Variants in SMC1B observed in about 807,000 individuals in gnomAD.
The protein encoded by SMC1B is structural maintenance of chromosomes 1B.
Under a neutral mutation model 157.9 loss-of-function variants are expected in SMC1B, and 60 were observed. That is an observed-to-expected ratio of 0.38 (90% CI 0.31 to 0.47). The LOEUF is 0.47. Among genes scored for constraint, SMC1B ranks in the 20% least tolerant of loss-of-function variants. The probability of loss-of-function intolerance (pLI) is 0.99; values close to 1 mark genes in which losing one functional copy is unlikely to be tolerated. For synonymous variants in SMC1B, 445 were observed against 483.0 expected, an observed-to-expected ratio of 0.92 and a Z score of 1.03; for missense variants, 1,165 against 1,426.2, an observed-to-expected ratio of 0.82 and a Z score of 2.95.
chr22:45,402,981 G>C (rs1047245749), intron 4 of SMC1B, among the ~76,000 whole-genome samples: 1 of 152,144 alleles, frequency 6.6e-6, no homozygotes. Flanking sequence ...CCTACTACAG[G>C]AAGTAGTTTT....
intron 19 of SMC1B, 101 bp downstream of exon 19, chr22:45,358,596 T>TAA: frequency 2.9e-6 from 2 of 699,276 alleles, no homozygotes; most frequent in South Asian, 2.1e-5. Context: ...GGAAATCTTT[T>TAA]AAAAAAAAAC....
chr22:45,357,170 A>G (rs564576307), intron 19 of SMC1B, among the ~76,000 whole-genome samples: 8 of 152,354 alleles, frequency 5.3e-5, no homozygotes, highest in African/African-American at 1.9e-4. Flanking sequence ...TCCTTTCACT[A>G]GCACCACTAC....
intron 10 of SMC1B, 38 bp from the exon 11 acceptor site, chr22:45,387,084 T>C (rs778040022): frequency 1.3e-6 from 2 of 1,505,814 alleles, no homozygotes; most frequent in Admixed American, 3.7e-5. Flanking sequence ...TTACATACAC[T>C]GAAATAAAAA....
chr22:45,403,992 AGTGCAGTG>A (rs1036950420), intron 4 of SMC1B, among the ~76,000 whole-genome samples: 1 of 152,160 alleles, frequency 6.6e-6, no homozygotes, highest in African/African-American at 2.4e-5. Flanking sequence ...CCCAGGCTAA[AGTGCAGTG>A]GTGCAATCTC....
chr22:45,379,202 G>A (rs1053302600), intron 12 of SMC1B, among the ~76,000 whole-genome samples: 4 of 152,042 alleles, frequency 2.6e-5, no homozygotes, highest in African/African-American at 7.3e-5. Flanking sequence ...GGCTGGTCTC[G>A]ATCCCTTGAA....
At chr22:45,395,890 T>C (rs905797035) in intron 7 of SMC1B, among the ~76,000 whole-genome samples, 2 of 151,960 alleles carry the variant, frequency 1.3e-5, no homozygotes, top group Admixed American at 1.3e-4. Flanking sequence ...GAGGAAGAAA[T>C]TATTTTTGGC....
chr22:45,386,718 C>G lies in SMC1B; in HGVS notation c.1911+149G>C, dbSNP rs558686215. On this transcript the variant is annotated intron_variant, in intron 11 of 24. Coordinates refer to ENST00000357450, the MANE Select transcript of SMC1B (RefSeq NM_148674.5). Reference sequence around the variant, plus strand: ...CAGAACATTATAAAAACCACTGAAGCCATAACCACCTTAGGTTCTATGTTG... The same window carrying G: ...CAGAACATTATAAAAACCACTGAAGGCATAACCACCTTAGGTTCTATGTTG... 1.6e-5 allele frequency: 9 copies of G among 555,036 alleles called. No homozygotes were observed. The South Asian group carries it at 4.9e-4, about 30-fold the overall frequency. 34.4% of individuals were successfully genotyped at this position (555,036 alleles called of 1,614,324 possible). A position where few individuals can be genotyped will look rare whatever the true frequency, so the allele number is the denominator to read the frequency against.
Position 45,396,411 on chromosome 22 carries a change from G to C in SMC1B, c.1189C>G (p.Gln397Glu), listed in dbSNP as rs149617002. The change falls in exon 7 of 25, where the codon CAG (glutamine) becomes GAG (glutamate). Residue 397 changes from glutamine to glutamate, a missense_variant. Physicochemically the swap from Gln to Glu is conservative, Grantham distance 29 (BLOSUM62 2). Coordinates refer to ENST00000357450, the MANE Select transcript of SMC1B (RefSeq NM_148674.5). ...TCTTCATCTGTCTTCTGTTCCCACT[G>C]CAGTTTTTCCAGTTGTTGAGTCATT... ...ATMTQQLEKL[Q>E]WEQKTDEERL... 930 of 1,611,944 alleles carry C rather than the reference G, an allele frequency of 5.8e-4. 5 individuals are homozygous for C. The African/African-American group carries it at 0.011, about 20-fold the overall frequency.
In SMC1B at chr22:45,408,908, A is replaced by G. The variant is rs540375436; in HGVS notation, c.110-10T>C. The G allele has an allele frequency of 8.1e-5, 118 of 1,449,162 alleles. No homozygotes were observed. In the Middle Eastern group the frequency reaches 1.1e-3, roughly 14 times the overall value. 89.8% of individuals were successfully genotyped at this position (1,449,162 alleles called of 1,614,324 possible). A position where few individuals can be genotyped will look rare whatever the true frequency, so the allele number is the denominator to read the frequency against. On this transcript the variant is annotated splice_polypyrimidine_tract_variant and intron_variant, in intron 1 of 24. Transcript: ENST00000357450. ...ATTACATTAGATTTTCCTGGGGAAG[A>G]AAAGAGATAAAACATTATTCATTCT...
Position 45,394,751 on chromosome 22 carries a change from A to T in SMC1B, c.1271T>A (p.Ile424Lys). Residue 424 changes from isoleucine to lysine, a missense_variant, in exon 8 of 25, where the codon ATA becomes AAA. Transcript: ENST00000357450. ...TTTATGATCTTCTATTTGTTCTTTT[A>T]TTTGTTTTAGATTTCCCTAAAAGAG... Reference protein sequence around the residue: ...HGEVQGNLKQIKEQIEDHKKR... With the variant: ...HGEVQGNLKQKKEQIEDHKKR... 6.5e-7 allele frequency: 1 copy of T among 1,545,900 alleles called. No homozygotes were observed. Among genetic ancestry groups the T allele is most frequent in the Non-Finnish European group, 8.8e-7 (1 of 1,140,074 alleles).
chr22:45,402,360 T>C lies in SMC1B; in HGVS notation c.827A>G (p.Gln276Arg). The C allele has an allele frequency of 6.2e-7, 1 of 1,612,500 alleles. No homozygotes were observed. The highest frequency in any genetic ancestry group is 1.1e-5 in the South Asian group (1 of 90,636). ...TAATTCTTTTTCTGTTTGTTGTAGT[T>C]GTCTAGTTAGCATTCCATGTTCCTT... ...RKKEHGMLTR[Q>R]LQQTEKELKS... Residue 276 changes from glutamine to arginine, a missense_variant, in exon 5 of 25, where the codon CAA becomes CGA. By Grantham distance (43) the Gln-to-Arg change is conservative. Transcript: ENST00000357450.
chr22:45,395,159 G>A (rs1569194365), intron 7 of SMC1B, among the ~76,000 whole-genome samples: 2 of 152,182 alleles, frequency 1.3e-5, no homozygotes, highest in Non-Finnish European at 2.9e-5. Context: ...AAATAAGCAG[G>A]AAAGAGTCCC....
In SMC1B at chr22:45,370,133, C is replaced by T. The variant is rs193083744; in HGVS notation, c.2314-73G>A. The T allele has an allele frequency of 4.1e-4, 367 of 891,438 alleles. 1 individual carries two copies. In the Middle Eastern group the frequency reaches 6.9e-3, roughly 17 times the overall value. 55.2% of individuals were successfully genotyped at this position (891,438 alleles called of 1,614,324 possible). ...ATATATAATCTTAAATATGTTTTTC[C>T]CTCCAAGATTTTCCTGAATTAGGCC... On this transcript the variant is annotated intron_variant, in intron 14 of 24. Coordinates refer to ENST00000357450, the MANE Select transcript of SMC1B (RefSeq NM_148674.5).
chr22:45,374,739 C>T (rs136578), intron 12 of SMC1B, among the ~76,000 whole-genome samples: 94,577 of 152,040 alleles, frequency 0.62, 31,954 homozygotes, highest in African/African-American at 0.9. Flanking sequence ...CCTATTTATA[C>T]ACATAAGCCA....
intron 23 of SMC1B, among the ~76,000 whole-genome samples, chr22:45,349,235 G>A (rs9614648): frequency 0.4 from 59,895 of 148,834 alleles, 14,512 homozygotes; most frequent in Non-Finnish European, 0.55. Context: ...GGCTGGTCTC[G>A]AACTCCTGAC....
At chr22:45,352,220 CAAAAAA>C (rs34136195) in intron 22 of SMC1B, among the ~76,000 whole-genome samples, 1 of 122,640 alleles carries the variant, frequency 8.2e-6, no homozygotes, top group African/African-American at 3.6e-5. Context: ...ACTCTGTCTC[CAAAAAA>C]AAAAAAAAAC....
chr22:45,383,555 C>A lies in SMC1B; in HGVS notation c.1970G>T (p.Ser657Ile). Residue 657 changes from serine to isoleucine, a missense_variant, in exon 12 of 25, where the codon AGT becomes ATT. Ser to Ile is a moderately radical substitution (Grantham distance 142). Coordinates refer to ENST00000357450, the MANE Select transcript of SMC1B (RefSeq NM_148674.5). Reference protein sequence around the residue: ...LKSGVISGGSSDLKYKARCWD... With the variant: ...LKSGVISGGSIDLKYKARCWD... ...GCATCTAGCCTTGTATTTTAAGTCA[C>A]TTGACCCTCCAGAGATCACTCCAGA... 1 of 1,610,520 alleles carries A rather than the reference C, an allele frequency of 6.2e-7. No individual in the cohort carries two copies. Among genetic ancestry groups the A allele is most frequent in the Non-Finnish European group, 8.5e-7 (1 of 1,178,824 alleles).
At chr22:45,372,038 CTG>C in intron 13 of SMC1B, 115 bp downstream of exon 13, 1 of 855,622 alleles carries the variant, frequency 1.2e-6, no homozygotes. Context: ...GTGAGAGACT[CTG>C]TCTCAGGAAA....
rs547231539 is a variant in SMC1B, at chr22:45,345,999, T to G, written c.3496-430A>C. ...CAGGCGGATCACCAGAGGTCAGGAGTTCAAAACCAGCCTGGCCAACATGGT... is the reference window on the plus strand; with the variant it reads ...CAGGCGGATCACCAGAGGTCAGGAGGTCAAAACCAGCCTGGCCAACATGGT... On this transcript the variant is annotated intron_variant, in intron 23 of 24. Coordinates refer to ENST00000357450, the MANE Select transcript of SMC1B (RefSeq NM_148674.5). 2.0e-5 allele frequency among the ~76,000 whole-genome samples: 3 copies of G among 150,858 alleles called. No individual in the cohort carries two copies. The East Asian group carries it at 5.9e-4, about 30-fold the overall frequency.
Sources: gnomAD v4.1 joint callset for allele counts (sites outside exome capture counted in the v4.1 genomes callset) on GRCh38, gnomAD v4.1.1 for gene constraint, MANE v1.5 for transcripts, NCBI Gene and HGNC (gene_info 2026-07-23, HGNC 2026-07-21) for gene names.